Variants in GREB1L observed in about 807,000 individuals in gnomAD.
GREB1L encodes the protein GREB1-like protein.
In GREB1L, 17 loss-of-function variants were observed where a neutral mutation model predicts 200.8. That is an observed-to-expected ratio of 0.08 (90% CI 0.06 to 0.13). The LOEUF is 0.13. GREB1L is among the 10% of genes least tolerant of loss of function. The pLI, the probability that GREB1L is intolerant of heterozygous loss-of-function variation, is 1.00. For missense variants in GREB1L, 1,657 were observed against 2,367.7 expected, an observed-to-expected ratio of 0.70 and a Z score of 6.23; for synonymous variants, 789 against 893.0, an observed-to-expected ratio of 0.88 and a Z score of 2.08.
chr18:21,347,853 G>A lies in GREB1L; in HGVS notation c.-119-18174G>A, dbSNP rs1288076369. Among the ~76,000 whole-genome samples, 26 of 122,942 alleles carry A rather than the reference G, an allele frequency of 2.1e-4. No individual in the cohort carries two copies. The Admixed American group carries it at 2.5e-3, about 12-fold the overall frequency. 80.7% of individuals were successfully genotyped at this position (122,942 alleles called of 152,430 possible). On this transcript the variant is annotated intron_variant, in intron 1 of 32. Coordinates refer to ENST00000424526, the MANE Select transcript of GREB1L (RefSeq NM_001142966.3). ...ACAATCTCGGCTCACTGCAATCCCC[G>A]CCTCCCAGGTTCAAGTGATTCTCCT...
rs2146078569 is a variant in GREB1L at position 21,513,975 on chromosome 18, G to C, written c.4890G>C (p.Gln1630His). 1 of 1,551,568 alleles carries C rather than the reference G, an allele frequency of 6.4e-7. No individual in the cohort carries two copies. Among genetic ancestry groups the C allele is most frequent in the African/African-American group, 1.4e-5 (1 of 73,152 alleles). ...SCVLWNIHSV[Q>H]EPSSQPMEVG... is the part of the protein sequence containing the mutation. ...TCCTATGGAACATTCACAGTGTTCAGGAGCCATCCAGGTAGACTTCCAAGC... is the reference window on the plus strand; with the variant it reads ...TCCTATGGAACATTCACAGTGTTCACGAGCCATCCAGGTAGACTTCCAAGC... Residue 1630 changes from glutamine (Q) to histidine (H), a missense_variant, in exon 28 of 33, where the codon CAG becomes CAC. Physicochemically the swap from Gln to His is conservative, Grantham distance 24. Around this residue, in one of 9 missense-constraint regions of GREB1L, gnomAD observed 151 missense variants for 309.6 expected, o/e 0.49. Coordinates refer to ENST00000424526, the MANE Select transcript of GREB1L (RefSeq NM_001142966.3).
intron 1 of GREB1L, among the ~76,000 whole-genome samples, chr18:21,293,955 T>C (rs554696056): frequency 1.3e-5 from 2 of 152,188 alleles, no homozygotes; most frequent in East Asian, 3.9e-4. Flanking sequence ...AATTTTTGTA[T>C]TTTTTGTGTA....
intron 1 of GREB1L, among the ~76,000 whole-genome samples, chr18:21,339,629 C>T (rs1302255205): frequency 2.6e-5 from 4 of 152,202 alleles, no homozygotes; most frequent in African/African-American, 4.8e-5. Context: ...ATGAAAGGCT[C>T]TATCTCATAA....
At chr18:21,310,795 T>C (rs562479268) in intron 1 of GREB1L, among the ~76,000 whole-genome samples, 10 of 152,336 alleles carry the variant, frequency 6.6e-5, no homozygotes, top group African/African-American at 1.4e-4. Context: ...TATACTGTTA[T>C]GTTAAATACG....
At chr18:21,474,344 T>C (rs1402030271) in intron 16 of GREB1L, among the ~76,000 whole-genome samples, 1 of 152,000 alleles carries the variant, frequency 6.6e-6, no homozygotes, top group Non-Finnish European at 1.5e-5. Context: ...ATGGGAGAAA[T>C]TGGCTAAAAC....
intron 4 of GREB1L, among the ~76,000 whole-genome samples, chr18:21,390,712 T>C (rs1407740377): frequency 6.6e-6 from 1 of 152,100 alleles, no homozygotes; most frequent in Non-Finnish European, 1.5e-5. Context: ...AATTTTTGTA[T>C]TTTTAGTAGA....
At chr18:21,278,825 G>A (rs1270206627) in intron 1 of GREB1L, among the ~76,000 whole-genome samples, 3 of 152,126 alleles carry the variant, frequency 2.0e-5, no homozygotes, top group African/African-American at 7.2e-5. Context: ...AATTCAGATT[G>A]TCTTAATGTC....
At chr18:21,452,354 C>A in intron 14 of GREB1L, 137 bp downstream of exon 14, 1 of 829,858 alleles carries the variant, frequency 1.2e-6, no homozygotes, top group East Asian at 2.8e-5. Context: ...ACATGATAAA[C>A]CTGGTTGAAA....
intron 1 of GREB1L, among the ~76,000 whole-genome samples, chr18:21,347,091 A>G (rs936552275): frequency 6.6e-6 from 1 of 152,064 alleles, no homozygotes; most frequent in African/African-American, 2.4e-5. Flanking sequence ...CAGCCTGACC[A>G]ATATGGTGAA....
At chr18:21,415,473 G>C (rs1204764906) in intron 7 of GREB1L, among the ~76,000 whole-genome samples, 1 of 152,094 alleles carries the variant, frequency 6.6e-6, no homozygotes, top group Non-Finnish European at 1.5e-5. Context: ...CTGTGCTCCA[G>C]CCTGGGCAGC....
Position 21,521,009 on chromosome 18 carries a change from G to A in GREB1L, c.5608+186G>A, listed in dbSNP as rs186786380. Among the ~76,000 whole-genome samples the A allele has an allele frequency of 3.8e-3, 577 of 152,116 alleles. 28 individuals carry two copies. Among genetic ancestry groups the A allele is most frequent in the Admixed American group, 0.035 (530 of 15,262 alleles). On this transcript the variant is annotated intron_variant, in intron 32 of 32. Transcript: ENST00000424526. ...CAGGAGATCGAGACCATCCTGGCTA[G>A]CATGGTGAAACCGTCTCTACTAAAA... is the stretch of plus-strand genomic sequence containing the variant.
chr18:21,290,460 G>A (rs1256781603), intron 1 of GREB1L, among the ~76,000 whole-genome samples: 1 of 151,906 alleles, frequency 6.6e-6, no homozygotes, highest in Non-Finnish European at 1.5e-5. Context: ...TTAACTACTG[G>A]GCAGATGGTT....
At chr18:21,276,885 A>G (rs2038174362) in intron 1 of GREB1L, among the ~76,000 whole-genome samples, 1 of 148,640 alleles carries the variant, frequency 6.7e-6, no homozygotes, top group Non-Finnish European at 1.5e-5. Flanking sequence ...TTTCTCACCA[A>G]TTGTCCTACA....
intron 32 of GREB1L, 32 bp from the exon 33 acceptor site, chr18:21,522,626 C>A: frequency 6.6e-7 from 1 of 1,517,066 alleles, no homozygotes; most frequent in Non-Finnish European, 8.9e-7. Flanking sequence ...AATCCCTGAG[C>A]CTAGGACATA....
chr18:21,335,679 T>C (rs2145090491), intron 1 of GREB1L, among the ~76,000 whole-genome samples: 1 of 151,908 alleles, frequency 6.6e-6, no homozygotes, highest in African/African-American at 2.4e-5. Context: ...TTTTTTTTTT[T>C]TCGAGACAGA....
At chr18:21,368,446 C>T (rs1411029091) in intron 2 of GREB1L, among the ~76,000 whole-genome samples, 1 of 152,016 alleles carries the variant, frequency 6.6e-6, no homozygotes, top group Non-Finnish European at 1.5e-5. Context: ...AGCAAGAAAT[C>T]ATAAAAGAAT....
Position 21,426,907 on chromosome 18 carries a change from C to T in GREB1L, c.833-12614C>T, listed in dbSNP as rs1329818385. Among the ~76,000 whole-genome samples the T allele has an allele frequency of 1.3e-4, 19 of 142,554 alleles. 1 individual carries two copies. The highest frequency in any genetic ancestry group is 1.1e-3 in the South Asian group (5 of 4,588). The allele number at this position is 142,554 out of a possible 152,430, so 93.5% of individuals were successfully genotyped here. A position where few individuals can be genotyped will look rare whatever the true frequency, so the allele number is the denominator to read the frequency against. On this transcript the variant is annotated intron_variant, in intron 7 of 32. Coordinates refer to ENST00000424526, the MANE Select transcript of GREB1L (RefSeq NM_001142966.3). ...CCGGGAGGCAGAGTTTGCAGCGAGC[C>T]GAGATCGTGCCACTGCACTCCAGCC...
chr18:21,391,807 T>C (rs1309618669), intron 4 of GREB1L, among the ~76,000 whole-genome samples: 1 of 152,150 alleles, frequency 6.6e-6, no homozygotes, highest in Non-Finnish European at 1.5e-5. Context: ...GGTTTGTTTG[T>C]TTATTTATTT....
intron 4 of GREB1L, among the ~76,000 whole-genome samples, chr18:21,391,072 A>T (rs1368535229): frequency 6.6e-6 from 1 of 152,224 alleles, no homozygotes; most frequent in South Asian, 2.1e-4. Flanking sequence ...TAGTAAATTT[A>T]GTGTAGCCTA....
Sources: gnomAD v4.1 joint callset for allele counts (sites outside exome capture counted in the v4.1 genomes callset) on GRCh38, gnomAD v4.1.1 for gene constraint, gnomAD v4.1.1 regional missense constraint, MANE v1.5 for transcripts, NCBI Gene and HGNC (gene_info 2026-07-23, HGNC 2026-07-21) for gene names.